The following FSHR variants were observed in gnomAD, a reference collection of about 807,000 sequenced individuals.
FSHR encodes the protein follicle-stimulating hormone receptor.
Under a neutral mutation model 52.1 loss-of-function variants are expected in FSHR, and 46 were observed. That is an observed-to-expected ratio of 0.88 (90% CI 0.70 to 1.13). FSHR has a LOEUF of 1.13. Among genes scored for constraint, FSHR ranks in the 50% most tolerant of loss-of-function variants. FSHR has a pLI of 0.00. For missense variants in FSHR, 964 were observed against 834.6 expected, an observed-to-expected ratio of 1.16 and a Z score of -1.91; for synonymous variants, 399 against 309.6, an observed-to-expected ratio of 1.29 and a Z score of -3.03.
chr2:48,964,196 C>T (rs929115039), intron 9 of FSHR, among the ~76,000 whole-genome samples: 7 of 152,092 alleles, frequency 4.6e-5, no homozygotes, highest in African/African-American at 1.7e-4. Context: ...CTGGGGAAAC[C>T]ATCTTGCCAC....
Position 49,021,863 on chromosome 2 carries a change from C to CTATA in FSHR, c.225-1707_225-1704dup, listed in dbSNP as rs1224896244. Among the ~76,000 whole-genome samples the CTATA allele has an allele frequency of 3.9e-3, 192 of 49,732 alleles. 2 individuals carry two copies. Among genetic ancestry groups the CTATA allele is most frequent in the Non-Finnish European group, 5.0e-3 (136 of 27,064 alleles). 32.6% of individuals were successfully genotyped at this position (49,732 alleles called of 152,430 possible). On this transcript the variant is annotated intron_variant, in intron 2 of 9. Coordinates refer to ENST00000406846, the MANE Select transcript of FSHR (RefSeq NM_000145.4). ...TCTCTCTCTCTCTCTCTCTCTCTCT[C>CTATA]TATATATATATATATATATATATAG...
At chr2:49,039,140 T>C (rs1424909205) in intron 2 of FSHR, among the ~76,000 whole-genome samples, 1 of 152,194 alleles carries the variant, frequency 6.6e-6, no homozygotes, top group Non-Finnish European at 1.5e-5. Flanking sequence ...GTTATTTTGT[T>C]GTAGCAAGTA....
rs554357444 is a variant in FSHR, at chr2:49,096,090, A to G, written c.153-27800T>C. ...TCAAAAAGTTAAACATTGAGTTCCCATATAATCCAGAAATACTACTCATAT... is the reference window on the plus strand; with the variant it reads ...TCAAAAAGTTAAACATTGAGTTCCCGTATAATCCAGAAATACTACTCATAT... On this transcript the variant is annotated intron_variant, in intron 1 of 9. Coordinates refer to ENST00000406846, the MANE Select transcript of FSHR (RefSeq NM_000145.4). Among the ~76,000 whole-genome samples, 194 of 152,326 alleles carry G rather than the reference A, an allele frequency of 1.3e-3. 1 individual carries two copies. The highest frequency in any genetic ancestry group is 4.4e-3 in the African/African-American group (183 of 41,576).
At chr2:49,056,303 T>C (rs1306641919) in intron 2 of FSHR, among the ~76,000 whole-genome samples, 1 of 151,608 alleles carries the variant, frequency 6.6e-6, no homozygotes, top group Non-Finnish European at 1.5e-5. Context: ...AGATAATCCT[T>C]ATAAACAAAA....
intron 1 of FSHR, among the ~76,000 whole-genome samples, chr2:49,093,563 T>G (rs890024932): frequency 6.6e-6 from 1 of 152,054 alleles, no homozygotes; most frequent in African/African-American, 2.4e-5. Context: ...TTTCATCCTT[T>G]TATTCCAGCC....
intron 1 of FSHR, among the ~76,000 whole-genome samples, chr2:49,097,496 G>A (rs1670870800): frequency 6.6e-6 from 1 of 152,226 alleles, no homozygotes; most frequent in African/African-American, 2.4e-5. Flanking sequence ...ATTCAAGGAT[G>A]AGAGGAGAAC....
At chr2:49,108,765 A>T (rs1671324752) in intron 1 of FSHR, among the ~76,000 whole-genome samples, 1 of 152,174 alleles carries the variant, frequency 6.6e-6, no homozygotes, top group South Asian at 2.1e-4. Context: ...TGTGGCCTGG[A>T]GGCAACGAAA....
chr2:49,027,025 C>T (rs1361358945), intron 2 of FSHR, among the ~76,000 whole-genome samples: 4 of 152,196 alleles, frequency 2.6e-5, no homozygotes, highest in Non-Finnish European at 4.4e-5. Flanking sequence ...TTCTTTTCCT[C>T]TCCAAACTCT....
chr2:49,056,610 A>G (rs1014288246), intron 2 of FSHR, among the ~76,000 whole-genome samples: 5 of 151,948 alleles, frequency 3.3e-5, no homozygotes, highest in Non-Finnish European at 7.4e-5. Flanking sequence ...CAGATTGTTT[A>G]GAGTGAAAAT....
intron 1 of FSHR, among the ~76,000 whole-genome samples, chr2:49,121,719 C>G: frequency 6.6e-6 from 1 of 152,180 alleles, no homozygotes; most frequent in Non-Finnish European, 1.5e-5. Flanking sequence ...ACCTTAACTC[C>G]AACATCGGAG....
intron 4 of FSHR, among the ~76,000 whole-genome samples, chr2:48,992,296 A>G (rs1157580633): frequency 2.0e-5 from 3 of 152,206 alleles, no homozygotes; most frequent in Non-Finnish European, 4.4e-5. Context: ...CAGTGCCGTC[A>G]CTTTCTAAAT....
chr2:49,009,578 C>G (rs1667197850), intron 4 of FSHR, among the ~76,000 whole-genome samples: 1 of 143,522 alleles, frequency 7.0e-6, no homozygotes, highest in African/African-American at 2.5e-5. Flanking sequence ...GCATTGGTAG[C>G]TTGATGGGGA....
At chr2:49,115,808 TGAATATGATATA>T (rs1671577283) in intron 1 of FSHR, among the ~76,000 whole-genome samples, 1 of 152,126 alleles carries the variant, frequency 6.6e-6, no homozygotes, top group African/African-American at 2.4e-5. Flanking sequence ...GCTAAAATGA[TGAATATGATATA>T]AATGTTACTG....
chr2:48,984,314 A>T (rs557089317), intron 6 of FSHR, among the ~76,000 whole-genome samples: 1 of 152,170 alleles, frequency 6.6e-6, no homozygotes, highest in African/African-American at 2.4e-5. Flanking sequence ...TGCACCCCCA[A>T]TGCCATTTGA....
At chr2:49,030,602 T>A (rs1668069362) in intron 2 of FSHR, among the ~76,000 whole-genome samples, 1 of 152,154 alleles carries the variant, frequency 6.6e-6, no homozygotes. Flanking sequence ...TTTGGCTGCT[T>A]TTGTATTTGA....
chr2:49,087,070 G>GATTTTTTTTTTTTTTTTT (rs60949511), intron 1 of FSHR, among the ~76,000 whole-genome samples: 2 of 86,728 alleles, frequency 2.3e-5, no homozygotes, highest in African/African-American at 8.6e-5. Flanking sequence ...TGTGGGCAGG[G>GATTTTTTTTTTTTTTTTT]TTTTTTTTTT....
At chr2:49,085,366 T>G (rs1190390825) in intron 1 of FSHR, among the ~76,000 whole-genome samples, 4 of 152,358 alleles carry the variant, frequency 2.6e-5, no homozygotes, top group African/African-American at 9.6e-5. Context: ...GAGCTATCTA[T>G]GACAAACCCA....
At chr2:49,110,272 G>C (rs1671377072) in intron 1 of FSHR, among the ~76,000 whole-genome samples, 1 of 152,076 alleles carries the variant, frequency 6.6e-6, no homozygotes, top group Non-Finnish European at 1.5e-5. Context: ...CATTTTATAA[G>C]TACAAAAACT....
At chr2:48,963,987 A>G (rs1383893261) in intron 9 of FSHR, 21 bp from the exon 10 acceptor site, 4 of 1,606,968 alleles carry the variant, frequency 2.5e-6, no homozygotes, top group Non-Finnish European at 3.4e-6. Flanking sequence ...ACAAAAAGAA[A>G]TAGAATCAAC....
Sources: gnomAD v4.1 joint callset for allele counts (sites outside exome capture counted in the v4.1 genomes callset) on GRCh38, gnomAD v4.1.1 for gene constraint, MANE v1.5 for transcripts, NCBI Gene and HGNC (gene_info 2026-07-23, HGNC 2026-07-21) for gene names.